Variants in NCAPH2 observed in about 807,000 individuals in gnomAD.
The protein encoded by NCAPH2 is condensin-2 complex subunit H2.
Under a neutral mutation model 88.6 loss-of-function variants are expected in NCAPH2, and 56 were observed. The ratio of observed to expected loss-of-function variants is 0.63; its 90% CI spans 0.51 to 0.79. NCAPH2 has a LOEUF of 0.79. NCAPH2 is among the 30% of genes least tolerant of loss of function. The pLI is 0.00. For synonymous variants in NCAPH2, 378 were observed against 313.6 expected, an observed-to-expected ratio of 1.21 and a Z score of -2.17; for missense variants, 794 against 792.0, an observed-to-expected ratio of 1.00 and a Z score of -0.03.
At position 50,517,442 on chromosome 22, in the gene NCAPH2, T is replaced by G; in HGVS notation, c.226T>G (p.Ser76Ala). 6.2e-7 allele frequency: 1 copy of G among 1,614,062 alleles called. No individual in the cohort carries two copies. The highest frequency in any genetic ancestry group is 1.1e-5 in the South Asian group (1 of 91,082). ...VYSKKVEYLY[S>A]LVYQALDFIS... ...TGGTCACCAGGTGGAATACCTCTAC[T>G]CACTCGTCTACCAGGCCCTTGATTT... The change falls in exon 3 of 20, where the codon TCA (serine) becomes GCA (alanine). Residue 76 changes from serine to alanine, a missense_variant. By Grantham distance (99) the Ser-to-Ala change is moderately conservative. This residue lies in a region of NCAPH2 where 735 missense variants were observed against 696.3 expected (regional missense o/e 1.06). Transcript: ENST00000420993.
In NCAPH2 at chr22:50,516,690, C is replaced by T. The variant is rs554806175; in HGVS notation, c.210+142C>T. The T allele has an allele frequency of 3.9e-5, 26 of 671,012 alleles. No homozygotes were observed. In the South Asian group the frequency reaches 4.3e-4, roughly 11 times the overall value. The allele number at this position is 671,012 out of a possible 1,614,324, so 41.6% of individuals were successfully genotyped here. A position where few individuals can be genotyped will look rare whatever the true frequency, so the allele number is the denominator to read the frequency against. ...CAGGTCTCAGCCAATTCCTCAGCAC[C>T]TTCCAACACCAAGAACAATTTTTAA... On this transcript the variant is annotated intron_variant, in intron 2 of 19. Transcript: ENST00000420993.
At chr22:50,522,624 G>A (rs2069141102) in intron 16 of NCAPH2, 47 bp from the exon 17 acceptor site, 1 of 1,613,574 alleles carries the variant, frequency 6.2e-7, no homozygotes, top group African/African-American at 1.3e-5. Context: ...GGGGGCAGGG[G>A]AGAGCGTGGC....
chr22:50,523,138 G>C lies in NCAPH2; in HGVS notation c.1649G>C (p.Cys550Ser). 1 of 1,613,772 alleles carries C rather than the reference G, an allele frequency of 6.2e-7. No homozygotes were observed. Among genetic ancestry groups the C allele is most frequent in the Non-Finnish European group, 8.5e-7 (1 of 1,179,916 alleles). ...GCTGGCCAGCCGGCCTTCGAGGTGT[G>C]TCGTTCCATGCTGGCCTCCCTGCAG... is the stretch of plus-strand genomic sequence containing the variant. ...LVAGQPAFEV[C>S]RSMLASLQLA... is the part of the protein sequence containing the mutation. Residue 550 changes from cysteine (C) to serine (S), a missense_variant, in exon 19 of 20, where the codon TGT (cysteine) becomes TCT (serine). Cys to Ser is a moderately radical substitution (Grantham distance 112). Transcript: ENST00000420993.
In NCAPH2 at chr22:50,517,744, C is replaced by G. The variant is rs917909034; in HGVS notation, c.355C>G (p.Leu119Val). Reference protein sequence around the residue: ...GVPQEAENEFLSLDDFPDSRT... With the variant: ...GVPQEAENEFVSLDDFPDSRT... ...CACGAGCTCTGTCTCCCTCCAGTTC[C>G]TGTCGCTGGATGACTTCCCTGACTC... is the stretch of plus-strand genomic sequence containing the variant. The change falls in exon 5 of 20, where the codon CTG (leucine) becomes GTG (valine). Residue 119 changes from leucine (L) to valine (V), a missense_variant. Physicochemically the swap from Leu to Val is conservative, Grantham distance 32. Around this residue, in one of 2 missense-constraint regions of NCAPH2, gnomAD observed 735 missense variants for 696.3 expected, o/e 1.06. Coordinates refer to ENST00000420993, the MANE Select transcript of NCAPH2 (RefSeq NM_152299.4). 1.9e-6 allele frequency: 3 copies of G among 1,613,958 alleles called. No individual in the cohort carries two copies. Among genetic ancestry groups the G allele is most frequent in the Non-Finnish European group, 2.5e-6 (3 of 1,180,048 alleles).
chr22:50,515,124 C>T (rs971236902), intron 1 of NCAPH2, among the ~76,000 whole-genome samples: 16 of 152,190 alleles, frequency 1.1e-4, no homozygotes, highest in African/African-American at 3.9e-4. Context: ...CTAAGGGACA[C>T]GATCACACTA....
In NCAPH2 at chr22:50,521,976, T is replaced by C; in HGVS notation, c.1109-10T>C. 1 of 1,613,928 alleles carries C rather than the reference T, an allele frequency of 6.2e-7. No homozygotes were observed. The highest frequency in any genetic ancestry group is 8.5e-7 in the Non-Finnish European group (1 of 1,179,922). On this transcript the variant is annotated splice_polypyrimidine_tract_variant and intron_variant, in intron 12 of 19. Coordinates refer to ENST00000420993, the MANE Select transcript of NCAPH2 (RefSeq NM_152299.4). ...TTGGCCTGGCTGGTGCTGAGCATGT[T>C]CTTTCACAGATGCAGACCATGCCGA...
Position 50,524,579 on chromosome 22 carries a change from C to T in NCAPH2, c.*1204C>T, listed in dbSNP as rs929775192. ...AGCTGCTCACCTGAGCTCAGAACTCCACCTCCACCAAACATCCACACCTGG... is the reference window on the plus strand; with the variant it reads ...AGCTGCTCACCTGAGCTCAGAACTCTACCTCCACCAAACATCCACACCTGG... On this transcript the variant is annotated 3_prime_UTR_variant, in exon 20 of 20. Coordinates refer to ENST00000420993, the MANE Select transcript of NCAPH2 (RefSeq NM_152299.4). 2 of 743,238 alleles carry T rather than the reference C, an allele frequency of 2.7e-6. No individual in the cohort carries two copies. The highest frequency in any genetic ancestry group is 2.0e-5 in the Admixed American group (1 of 49,924). The allele number at this position is 743,238 out of a possible 1,614,324, so 46.0% of individuals were successfully genotyped here.
Position 50,523,313 on chromosome 22 carries a change from A to C in NCAPH2, c.1756A>C (p.Thr586Pro). ...GGACACCATGTCCCTGAGACTGCTC[A>C]CGCACCAGCGAGCGCACAAGCGCTT... ...AVDTMSLRLL[T>P]HQRAHKRFQT... The change falls in exon 20 of 20, where the codon ACG (threonine) becomes CCG (proline). Residue 586 changes from threonine (T) to proline (P), a missense_variant. This residue lies in a region of NCAPH2 where 735 missense variants were observed against 696.3 expected (regional missense o/e 1.06). Transcript: ENST00000420993. The C allele has an allele frequency of 1.3e-6, 2 of 1,591,660 alleles. No homozygotes were observed. The highest frequency in any genetic ancestry group is 4.6e-5 in the East Asian group (2 of 43,628).
chr22:50,518,091 C>T, intron 6 of NCAPH2, 39 bp downstream of exon 6: 1 of 1,613,534 alleles, frequency 6.2e-7, no homozygotes, highest in Non-Finnish European at 8.5e-7. Context: ...GGAGGCCTGC[C>T]TGGGAAGGGT....
intron 12 of NCAPH2, 46 bp from the exon 13 acceptor site, chr22:50,521,940 G>T (rs369426898): frequency 3.7e-6 from 6 of 1,613,608 alleles, no homozygotes; most frequent in South Asian, 1.1e-5. Context: ...TCCCAATGCT[G>T]TGGGCAGCTC....
Position 50,515,675 on chromosome 22 carries a change from T to C in NCAPH2, c.109-772T>C, listed in dbSNP as rs536433714. On this transcript the variant is annotated intron_variant, in intron 1 of 19. Transcript: ENST00000420993. Reference sequence around the variant, plus strand: ...CCTCCCAAAGTGCTGGGATTACAGGTGTGAGCCACCGCACCCGGCCTTTTT... The same window carrying C: ...CCTCCCAAAGTGCTGGGATTACAGGCGTGAGCCACCGCACCCGGCCTTTTT... 161 of 1,262,964 alleles carry C rather than the reference T, an allele frequency of 1.3e-4. 2 individuals are homozygous for C. Among genetic ancestry groups the C allele is most frequent in the African/African-American group, 1.2e-3 (77 of 62,816 alleles). 78.2% of individuals were successfully genotyped at this position (1,262,964 alleles called of 1,614,324 possible).
rs1196154674 is a variant in NCAPH2 at position 50,522,508 on chromosome 22, T to C, written c.1314T>C (p.Phe438=). 14 of 1,613,284 alleles carry C rather than the reference T, an allele frequency of 8.7e-6. No individual in the cohort carries two copies. Among genetic ancestry groups the C allele is most frequent in the Non-Finnish European group, 9.3e-6 (11 of 1,179,870 alleles). The change falls in exon 16 of 20, where the codon TTT becomes TTC. Residue 438 remains phenylalanine, a synonymous_variant. Transcript: ENST00000420993. ...TCTCCCACCTCCCAGCAGATGACTT[T>C]CTAGAGCCTGAGGAGTACATGGAGC... ...SLEDLGAADD[F]LEPEEYMEPE...
At chr22:50,515,824 A>G (rs2068905867) in intron 1 of NCAPH2, 1 of 1,279,216 alleles carries the variant, frequency 7.8e-7, no homozygotes, top group Non-Finnish European at 1.0e-6. Context: ...TACTCTGTGG[A>G]CAGCTATGAA....
At position 50,519,261 on chromosome 22, in the gene NCAPH2, C is replaced by T; in HGVS notation, c.802C>T (p.Pro268Ser). ...GGATGCAGAGGAGGCAGTAGAGCTT[C>T]CTGAGGCCTCGGCCCCCAAGGCCGC... The part of the protein sequence containing the change: ...DEDAEEAVEL[P>S]EASAPKAALE... The change falls in exon 9 of 20, where the codon CCT becomes TCT. Residue 268 changes from proline to serine, a missense_variant. By Grantham distance (74) the Pro-to-Ser change is moderately conservative (BLOSUM62 -1). Coordinates refer to ENST00000420993, the MANE Select transcript of NCAPH2 (RefSeq NM_152299.4). 1.2e-6 allele frequency: 2 copies of T among 1,608,006 alleles called. No homozygotes were observed. The highest frequency in any genetic ancestry group is 1.1e-5 in the South Asian group (1 of 89,840).
intron 7 of NCAPH2, 74 bp downstream of exon 7, chr22:50,518,352 T>G (rs989562535): frequency 1.9e-6 from 3 of 1,559,312 alleles, no homozygotes; most frequent in Non-Finnish European, 2.6e-6. Context: ...TGGGGTGCCC[T>G]GTGCTTGCCA....
chr22:50,519,162 G>A (rs1299356965), intron 8 of NCAPH2, 28 bp from the exon 9 acceptor site: 4 of 1,581,030 alleles, frequency 2.5e-6, no homozygotes, highest in Non-Finnish European at 3.4e-6. Context: ...ACTCCTTGGA[G>A]CTGATCACTC....
chr22:50,515,048 A>T (rs1412749638), intron 1 of NCAPH2, among the ~76,000 whole-genome samples: 2 of 152,304 alleles, frequency 1.3e-5, no homozygotes, highest in South Asian at 2.1e-4. Flanking sequence ...TCAAATATTT[A>T]CTGGACACCA....
rs1161479586 is a variant in NCAPH2, at chr22:50,524,290, T to G, written c.*915T>G. On this transcript the variant is annotated 3_prime_UTR_variant, in exon 20 of 20. Transcript: ENST00000420993. ...CTGCCCACCTGTCTCTGCAGGGCCC[T>G]GCCTTGACAAAAGCCAGGACCTCAG... The G allele has an allele frequency of 6.2e-7, 1 of 1,603,138 alleles. No homozygotes were observed. Among genetic ancestry groups the G allele is most frequent in the Non-Finnish European group, 8.5e-7 (1 of 1,179,836 alleles).
chr22:50,518,846 C>T, intron 8 of NCAPH2, 114 bp downstream of exon 8: 5 of 1,051,608 alleles, frequency 4.8e-6, no homozygotes, highest in Non-Finnish European at 5.4e-6. Flanking sequence ...GCCTCATGCC[C>T]CTTCTGTGGC....
Sources: allele counts gnomAD v4.1 joint callset (sites outside exome capture counted in the v4.1 genomes callset), GRCh38; gene constraint gnomAD v4.1.1; regional missense constraint gnomAD v4.1.1; transcripts MANE v1.5; gene names NCBI Gene and HGNC (gene_info 2026-07-23, HGNC 2026-07-21).